The following CACNA1D variants were observed in gnomAD, a reference collection of about 807,000 sequenced individuals.
The protein encoded by CACNA1D is calcium voltage-gated channel subunit alpha1 D.
In CACNA1D, 55 loss-of-function variants were observed where a neutral mutation model predicts 257.1. The observed-to-expected ratio is 0.21, with a 90% CI of 0.17 to 0.27. CACNA1D has a LOEUF of 0.27. Among genes scored for constraint, CACNA1D ranks in the 10% least tolerant of loss-of-function variants. The pLI is 1.00. For missense variants in CACNA1D, 1,876 were observed against 2,784.0 expected (o/e 0.67, Z 7.34); for synonymous variants, 980 against 1,014.9 (o/e 0.97, Z 0.65).
chr3:53,684,460 A>G (rs2094457156), intron 8 of CACNA1D, among the ~76,000 whole-genome samples: 1 of 152,056 alleles, frequency 6.6e-6, no homozygotes, highest in South Asian at 2.1e-4. Flanking sequence ...CGTCTCTACT[A>G]AAAATACAAA....
At position 53,495,738 on chromosome 3, in the gene CACNA1D, G is replaced by A. The variant is rs1227383812; in HGVS notation, c.67+505G>A. On this transcript the variant is annotated intron_variant, in intron 1 of 47. Coordinates refer to ENST00000350061, the MANE Select transcript of CACNA1D (RefSeq NM_001128840.3). The surrounding 1 kb of genome is among the most constrained non-coding windows in gnomAD (Gnocchi z 5.1). ...TGAAGCACACCCATCCCCTCGCGGGGGAGGCCCGGCCTCGGTATCGGGGAA... is the reference window on the plus strand; with the variant it reads ...TGAAGCACACCCATCCCCTCGCGGGAGAGGCCCGGCCTCGGTATCGGGGAA... Among the ~76,000 whole-genome samples the A allele has an allele frequency of 2.6e-5, 4 of 152,272 alleles. No individual in the cohort carries two copies. The highest frequency in any genetic ancestry group is 9.6e-5 in the African/African-American group (4 of 41,480).
chr3:53,619,755 C>A (rs1240998505), intron 3 of CACNA1D, among the ~76,000 whole-genome samples: 1 of 152,190 alleles, frequency 6.6e-6, no homozygotes, highest in Non-Finnish European at 1.5e-5. Context: ...ATTTTAATCC[C>A]TTTCTTTAAG....
intron 12 of CACNA1D, 56 bp downstream of exon 12, chr3:53,722,530 C>A: frequency 6.5e-7 from 1 of 1,530,820 alleles, no homozygotes. Flanking sequence ...TGTGGCTGTC[C>A]AACTGCCATT....
chr3:53,674,740 C>G (rs2108424264), intron 8 of CACNA1D, among the ~76,000 whole-genome samples: 1 of 152,326 alleles, frequency 6.6e-6, no homozygotes, highest in East Asian at 1.9e-4. Flanking sequence ...ACAATCAGCT[C>G]CTTCATACAG....
chr3:53,770,980 C>T (rs2095363110), intron 32 of CACNA1D, among the ~76,000 whole-genome samples: 2 of 152,186 alleles, frequency 1.3e-5, no homozygotes, highest in Non-Finnish European at 2.9e-5. Context: ...AAATCAGAAA[C>T]CACCACCTGG....
At chr3:53,647,439 A>G (rs2094034087) in intron 3 of CACNA1D, among the ~76,000 whole-genome samples, 2 of 152,180 alleles carry the variant, frequency 1.3e-5, no homozygotes, top group Non-Finnish European at 2.9e-5. Context: ...TTCTTCTGCC[A>G]TCCCAGTCTT....
intron 3 of CACNA1D, among the ~76,000 whole-genome samples, chr3:53,642,743 T>C (rs1576203089): frequency 6.6e-6 from 1 of 152,224 alleles, no homozygotes; most frequent in East Asian, 1.9e-4. Context: ...CCTGGGCACA[T>C]TCTAGACAGC....
intron 46 of CACNA1D, 165 bp downstream of exon 46, chr3:53,808,935 A>G (rs2095581733): frequency 1.4e-6 from 1 of 714,874 alleles, no homozygotes; most frequent in Non-Finnish European, 2.3e-6. Context: ...AGCTATGGCC[A>G]TGAGTCCCAT....
In CACNA1D at chr3:53,743,061, C is replaced by T. The variant is rs1206988716; in HGVS notation, c.2862C>T (p.Tyr954=). ...ACAAAGGGGCCTTCTGCAGGAACTA[C>T]TTCAATTTGCTGGATATGCTGGTGG... ...FLHKGAFCRN[Y]FNLLDMLVVG... is the part of the protein sequence containing the mutation. Residue 954 remains tyrosine (Y), a synonymous_variant, in exon 22 of 48, where the codon TAC becomes TAT. Transcript: ENST00000350061. 1 of 1,614,030 alleles carries T rather than the reference C, an allele frequency of 6.2e-7. No homozygotes were observed. The highest frequency in any genetic ancestry group is 1.7e-5 in the Admixed American group (1 of 60,022).
intron 26 of CACNA1D, 159 bp from the exon 27 acceptor site, chr3:53,749,109 C>A: frequency 1.4e-6 from 1 of 706,450 alleles, no homozygotes; most frequent in Non-Finnish European, 2.6e-6. Flanking sequence ...GGGCCTGAGG[C>A]TGATGGGAGA....
At chr3:53,716,989 C>G (rs1376314036) in intron 9 of CACNA1D, among the ~76,000 whole-genome samples, 1 of 152,246 alleles carries the variant, frequency 6.6e-6, no homozygotes, top group Non-Finnish European at 1.5e-5. Context: ...TCCTTTCCCC[C>G]TGAGCCTGGG....
chr3:53,593,723 A>G (rs1175660347), intron 3 of CACNA1D, among the ~76,000 whole-genome samples: 6 of 152,152 alleles, frequency 3.9e-5, no homozygotes, highest in African/African-American at 9.7e-5. Context: ...CTCCAAGGCC[A>G]CCCAAGGAGC....
chr3:53,593,794 C>T (rs1050991849), intron 3 of CACNA1D, among the ~76,000 whole-genome samples: 2 of 152,122 alleles, frequency 1.3e-5, no homozygotes, highest in Non-Finnish European at 2.9e-5. Context: ...AGCACGTGGG[C>T]AGAAGGAAGT....
intron 11 of CACNA1D, among the ~76,000 whole-genome samples, chr3:53,720,148 C>G (rs776452470): frequency 6.6e-6 from 1 of 152,138 alleles, no homozygotes; most frequent in Non-Finnish European, 1.5e-5. Flanking sequence ...GATGTGCATG[C>G]GGGTTACGTG....
chr3:53,550,781 G>T (rs143010142), intron 3 of CACNA1D, among the ~76,000 whole-genome samples: 361 of 152,166 alleles, frequency 2.4e-3, no homozygotes, highest in African/African-American at 8.0e-3. Flanking sequence ...ATGCTTGGGG[G>T]ACAAAACAGA....
intron 3 of CACNA1D, among the ~76,000 whole-genome samples, chr3:53,587,715 C>T (rs1162638920): frequency 6.6e-6 from 1 of 152,110 alleles, no homozygotes; most frequent in East Asian, 1.9e-4. Context: ...TAAACTCAAG[C>T]TCAAAATAGG....
intron 3 of CACNA1D, among the ~76,000 whole-genome samples, chr3:53,645,918 GA>G (rs1253611617): frequency 6.6e-6 from 1 of 152,220 alleles, no homozygotes; most frequent in African/African-American, 2.4e-5. Flanking sequence ...GCCACAGCAT[GA>G]ATCAGTGGCT....
intron 3 of CACNA1D, among the ~76,000 whole-genome samples, chr3:53,566,521 C>T (rs571288811): frequency 2.3e-4 from 35 of 152,278 alleles, no homozygotes; most frequent in Non-Finnish European, 4.3e-4. Flanking sequence ...GCACCTGACA[C>T]ATATTCACTG....
intron 8 of CACNA1D, among the ~76,000 whole-genome samples, chr3:53,693,426 A>G (rs2094545781): frequency 6.6e-6 from 1 of 151,772 alleles, no homozygotes; most frequent in Non-Finnish European, 1.5e-5. Flanking sequence ...ATGATTAAAA[A>G]TTTTTTAAAT....
Sources: gnomAD v4.1 joint callset for allele counts (sites outside exome capture counted in the v4.1 genomes callset) on GRCh38, gnomAD v4.1.1 for gene constraint, Gnocchi (gnomAD v3.1) non-coding constraint, MANE v1.5 for transcripts, NCBI Gene and HGNC (gene_info 2026-07-23, HGNC 2026-07-21) for gene names.